Variants in GPRC5A observed in about 807,000 individuals in gnomAD.
The protein encoded by GPRC5A is G protein-coupled receptor class C group 5 member A.
GPRC5A carries 19 observed loss-of-function variants against 22.5 expected under a neutral mutation model. The ratio of observed to expected loss-of-function variants is 0.85; its 90% CI spans 0.59 to 1.24. The LOEUF is 1.24. GPRC5A is among the 50% of genes most tolerant of loss of function. GPRC5A has a pLI of 0.00. For synonymous variants in GPRC5A, 192 were observed against 184.5 expected, an observed-to-expected ratio of 1.04 and a Z score of -0.33; for missense variants, 471 against 451.1, an observed-to-expected ratio of 1.04 and a Z score of -0.40.
rs59721062 is a variant in GPRC5A, at chr12:12,914,594, T to TTCTTTCTTTCTCTCTCTCTC, written c.*2058_*2059insTTCTTTCTCTCTCTCTCTCT. 2.0e-4 allele frequency: 16 copies of TTCTTTCTTTCTCTCTCTCTC among 81,576 alleles called. No homozygotes were observed. The highest frequency in any genetic ancestry group is 4.2e-4 in the South Asian group (1 of 2,372). The allele number at this position is 81,576 out of a possible 1,614,324, so 5.1% of individuals were successfully genotyped here. On this transcript the variant is annotated 3_prime_UTR_variant, in exon 4 of 4. Coordinates refer to ENST00000014914, the MANE Select transcript of GPRC5A (RefSeq NM_003979.4). Reference sequence around the variant, plus strand: ...TTTCTTTCTTTCTTTCTTTCTTTCTTTCTCTCTCTCTCTCTCTCTCTCTTT... The same window carrying TTCTTTCTTTCTCTCTCTCTC: ...TTTCTTTCTTTCTTTCTTTCTTTCTTTCTTTCTTTCTCTCTCTCTCTCTCTCTCTCTCTCTCTCTCTCTTT...
Position 12,914,522 on chromosome 12 carries a change from TTC to T in GPRC5A, c.*1989_*1990del, listed in dbSNP as rs1194110785. 3 of 149,196 alleles carry T rather than the reference TTC, an allele frequency of 2.0e-5. No individual in the cohort carries two copies. The highest frequency in any genetic ancestry group is 4.9e-5 in the African/African-American group (2 of 40,810). The allele number at this position is 149,196 out of a possible 1,614,324, so 9.2% of individuals were successfully genotyped here. On this transcript the variant is annotated 3_prime_UTR_variant, in exon 4 of 4. Coordinates refer to ENST00000014914, the MANE Select transcript of GPRC5A (RefSeq NM_003979.4). ...AATGCATATTCCCCCCCCACTTTCT[TTC>T]TCTCTTTCCTTCCTTCCTTCCTTTC... is the stretch of plus-strand genomic sequence containing the variant.
chr12:12,912,479 A>T lies in GPRC5A; in HGVS notation c.1014A>T (p.Pro338=), dbSNP rs1864015025. Residue 338 remains proline, a synonymous_variant, in exon 4 of 4, where the codon CCA becomes CCT. Transcript: ENST00000014914. Reference sequence around the variant, plus strand: ...CTCCCCAAAAGGAATTCTCCATCCCACGGGCCCACGCTTGGCCGAGCCCTT... The same window carrying T: ...CTCCCCAAAAGGAATTCTCCATCCCTCGGGCCCACGCTTGGCCGAGCCCTT... ...NQPPQKEFSI[P]RAHAWPSPYK... 3 of 1,613,018 alleles carry T rather than the reference A, an allele frequency of 1.9e-6. No homozygotes were observed. Among genetic ancestry groups the T allele is most frequent in the Non-Finnish European group, 2.5e-6 (3 of 1,178,954 alleles).
At chr12:12,898,087 T>C (rs542132615) in intron 1 of GPRC5A, among the ~76,000 whole-genome samples, 92 of 152,348 alleles carry the variant, frequency 6.0e-4, no homozygotes, top group Non-Finnish European at 1.1e-3. Flanking sequence ...CCAACCCATA[T>C]GCCCACGGTG....
intron 2 of GPRC5A, among the ~76,000 whole-genome samples, chr12:12,910,512 C>T (rs1160068819): frequency 6.6e-6 from 1 of 152,156 alleles, no homozygotes; most frequent in African/African-American, 2.4e-5. Flanking sequence ...CTGAGCCACC[C>T]CATCCCATCA....
In GPRC5A at chr12:12,917,172, C is replaced by G. The variant is rs963412469; in HGVS notation, c.*4633C>G. ...TTCTATCGGGGCAGACAGTGCTGTG[C>G]CTTTCTTGACTTCAGGATGTTCCAA... On this transcript the variant is annotated 3_prime_UTR_variant, in exon 4 of 4. Coordinates refer to ENST00000014914, the MANE Select transcript of GPRC5A (RefSeq NM_003979.4). 1.3e-5 allele frequency: 2 copies of G among 150,412 alleles called. No individual in the cohort carries two copies. The highest frequency in any genetic ancestry group is 2.9e-5 in the Non-Finnish European group (2 of 68,396). The allele number at this position is 150,412 out of a possible 1,614,324, so 9.3% of individuals were successfully genotyped here. A position where few individuals can be genotyped will look rare whatever the true frequency, so the allele number is the denominator to read the frequency against.
chr12:12,892,705 C>T (rs892164263), intron 1 of GPRC5A, among the ~76,000 whole-genome samples: 1 of 152,192 alleles, frequency 6.6e-6, no homozygotes, highest in African/African-American at 2.4e-5. Context: ...GGCTAGCTAA[C>T]AGCTGAAACC....
chr12:12,891,757 G>A (rs550598683), intron 1 of GPRC5A, 93 bp downstream of exon 1: 2 of 152,266 alleles, frequency 1.3e-5, no homozygotes, highest in Admixed American at 6.5e-5. Flanking sequence ...GATAGAAGAG[G>A]AGAGAAATCC....
chr12:12,896,014 AAG>A (rs1236963608), intron 1 of GPRC5A, among the ~76,000 whole-genome samples: 46,172 of 102,250 alleles, frequency 0.45, 12,214 homozygotes, highest in Admixed American at 0.57. Context: ...AAAAAAAAAA[AAG>A]GATAGTATAC....
chr12:12,900,289 G>C (rs1014292033), intron 1 of GPRC5A, among the ~76,000 whole-genome samples: 1 of 152,192 alleles, frequency 6.6e-6, no homozygotes, highest in Non-Finnish European at 1.5e-5. Flanking sequence ...GGATGAGGGG[G>C]AGAAAGAAAG....
At chr12:12,899,330 C>T (rs1177454019) in intron 1 of GPRC5A, among the ~76,000 whole-genome samples, 1 of 152,176 alleles carries the variant, frequency 6.6e-6, no homozygotes. Flanking sequence ...TAAGCTACTG[C>T]CCCCGGCCAG....
rs1180679467 is a variant in GPRC5A at position 12,908,724 on chromosome 12, A to G, written c.475A>G (p.Arg159Gly). 1.2e-6 allele frequency: 2 copies of G among 1,614,118 alleles called. No homozygotes were observed. The highest frequency in any genetic ancestry group is 1.3e-5 in the African/African-American group (1 of 75,064). Residue 159 changes from arginine (R) to glycine (G), a missense_variant, in exon 2 of 4, where the codon AGG becomes GGG. Physicochemically the swap from Arg to Gly is moderately radical, Grantham distance 125. Coordinates refer to ENST00000014914, the MANE Select transcript of GPRC5A (RefSeq NM_003979.4). ...AIEYIVLTMN[R>G]TNVNVFSELS... ...TGAATATATTGTCCTGACCATGAAT[A>G]GGACCAACGTCAATGTCTTTTCTGA...
intron 1 of GPRC5A, among the ~76,000 whole-genome samples, chr12:12,896,111 C>T (rs549593133): frequency 6.6e-6 from 1 of 151,650 alleles, no homozygotes; most frequent in Admixed American, 6.6e-5. Context: ...AAGCTTCACT[C>T]AAATATTAAG....
At chr12:12,901,805 C>T (rs528648229) in intron 1 of GPRC5A, among the ~76,000 whole-genome samples, 2 of 150,346 alleles carry the variant, frequency 1.3e-5, no homozygotes, top group East Asian at 3.9e-4. Flanking sequence ...GAAAGGACCT[C>T]TACGTCAAGT....
chr12:12,908,792 C>A lies in GPRC5A; in HGVS notation c.543C>A (p.Leu181=). The change falls in exon 2 of 4, where the codon CTC becomes CTA. Residue 181 remains leucine (L), a synonymous_variant. Coordinates refer to ENST00000014914, the MANE Select transcript of GPRC5A (RefSeq NM_003979.4). ...GCAATGAAGACTTTGTCCTCCTGCT[C>A]ACCTACGTCCTCTTCTTGATGGCGC... ...PRRNEDFVLL[L]TYVLFLMALT... is the part of the protein sequence containing the mutation. The A allele has an allele frequency of 6.2e-7, 1 of 1,614,208 alleles. No homozygotes were observed. The highest frequency in any genetic ancestry group is 1.1e-5 in the South Asian group (1 of 91,088).
intron 3 of GPRC5A, 66 bp from the exon 4 acceptor site, chr12:12,912,381 G>T: frequency 9.3e-7 from 1 of 1,072,926 alleles, no homozygotes; most frequent in South Asian, 1.3e-5. Flanking sequence ...CTTCTGCCCA[G>T]ACTGGAGACC....
intron 1 of GPRC5A, 24 bp from the exon 2 acceptor site, chr12:12,908,219 C>A (rs764712837): frequency 3.5e-6 from 5 of 1,442,104 alleles, no homozygotes; most frequent in Admixed American, 2.1e-5. Flanking sequence ...ACCTTCTCCC[C>A]ACTCCAACAT....
chr12:12,905,738 G>C (rs761510556), intron 1 of GPRC5A, among the ~76,000 whole-genome samples: 25 of 152,164 alleles, frequency 1.6e-4, no homozygotes, highest in Non-Finnish European at 3.4e-4. Flanking sequence ...TTTCCTAGGG[G>C]TATGGTCAAG....
intron 1 of GPRC5A, among the ~76,000 whole-genome samples, chr12:12,908,024 G>T (rs969567324): frequency 1.3e-5 from 2 of 152,122 alleles, no homozygotes; most frequent in Non-Finnish European, 2.9e-5. Context: ...CTGGGGGAAG[G>T]GACATATGGG....
At chr12:12,907,938 T>C (rs1189139689) in intron 1 of GPRC5A, among the ~76,000 whole-genome samples, 2 of 152,224 alleles carry the variant, frequency 1.3e-5, no homozygotes, top group Non-Finnish European at 1.5e-5. Context: ...TGTGAAGTTT[T>C]TTGAGATTAG....
Sources: allele counts gnomAD v4.1 joint callset (sites outside exome capture counted in the v4.1 genomes callset), GRCh38; gene constraint gnomAD v4.1.1; transcripts MANE v1.5; gene names NCBI Gene and HGNC (gene_info 2026-07-23, HGNC 2026-07-21).